XIRP2: variants seen among roughly 807,000 people sequenced by gnomAD.
XIRP2 encodes the protein xin actin binding repeat containing 2.
XIRP2 carries 236 observed loss-of-function variants against 277.0 expected under a neutral mutation model. The observed-to-expected ratio is 0.85, with a 90% CI of 0.77 to 0.95. The LOEUF (loss-of-function observed/expected upper bound fraction) is 0.95, where lower values mean the gene tolerates loss of function less well. Ranked by LOEUF, XIRP2 falls within the 40% of genes least tolerant of loss-of-function variation. The pLI is 0.00. For synonymous variants in XIRP2, 1,490 were observed against 1,416.5 expected (o/e 1.05, Z -1.17); for missense variants, 4,640 against 4,157.5 (o/e 1.12, Z -3.19).
At chr2:167,087,732 G>A (rs1690004784) in intron 2 of XIRP2, among the ~76,000 whole-genome samples, 2 of 151,692 alleles carry the variant, frequency 1.3e-5, no homozygotes, top group Admixed American at 1.3e-4. Flanking sequence ...CCCTTTCTTT[G>A]ACTCGGAAAG....
intron 2 of XIRP2, among the ~76,000 whole-genome samples, chr2:167,104,790 G>T (rs1362534918): frequency 6.6e-6 from 1 of 152,004 alleles, no homozygotes; most frequent in African/African-American, 2.4e-5. Flanking sequence ...CATAACTATA[G>T]TCATGATGGG....
chr2:167,189,268 T>TCA (rs1164456253), intron 3 of XIRP2, among the ~76,000 whole-genome samples: 4 of 151,950 alleles, frequency 2.6e-5, no homozygotes, highest in Non-Finnish European at 5.9e-5. Flanking sequence ...GCTCTCTCTC[T>TCA]CACACACACA....
intron 2 of XIRP2, among the ~76,000 whole-genome samples, chr2:166,906,408 C>T (rs1163930695): frequency 6.6e-6 from 1 of 151,756 alleles, no homozygotes; most frequent in Non-Finnish European, 1.5e-5. Flanking sequence ...TACATACATG[C>T]ATATATAACT....
chr2:167,197,106 C>G (rs1335716663), intron 3 of XIRP2, among the ~76,000 whole-genome samples: 1 of 152,158 alleles, frequency 6.6e-6, no homozygotes, highest in African/African-American at 2.4e-5. Flanking sequence ...CTAATTTTCA[C>G]CTGCTCATGT....
In XIRP2 at chr2:167,259,041, A is replaced by G; in HGVS notation, c.*1224A>G. On this transcript the variant is annotated 3_prime_UTR_variant, in exon 11 of 11. Transcript: ENST00000409195. ...AAAGGAAGCCATTCAAAGAGCAAAA[A>G]TTTACACTTTTTCTTTTCTAACACC... The G allele has an allele frequency of 6.2e-7, 1 of 1,610,358 alleles. No homozygotes were observed. The highest frequency in any genetic ancestry group is 8.5e-7 in the Non-Finnish European group (1 of 1,177,612).
At chr2:166,954,025 A>G (rs1558928799) in intron 2 of XIRP2, among the ~76,000 whole-genome samples, 2 of 151,938 alleles carry the variant, frequency 1.3e-5, no homozygotes, top group Non-Finnish European at 2.9e-5. Context: ...TTTGATTATA[A>G]AAGTAATAAA....
Position 166,934,266 on chromosome 2 carries a change from A to T in XIRP2, c.408+30376A>T, listed in dbSNP as rs554225304. ...TGCTTTGAAGAAGCAAGCTACCATA[A>T]TTATATGCCACACTGGAGAAGCCCA... On this transcript the variant is annotated intron_variant, in intron 2 of 10. Coordinates refer to ENST00000409195, the MANE Select transcript of XIRP2 (RefSeq NM_152381.6). 2.6e-5 allele frequency among the ~76,000 whole-genome samples: 4 copies of T among 152,096 alleles called. No homozygotes were observed. In the South Asian group the frequency reaches 8.3e-4, roughly 32 times the overall value.
chr2:167,223,763 C>T (rs1430704610), intron 5 of XIRP2, among the ~76,000 whole-genome samples: 1 of 152,090 alleles, frequency 6.6e-6, no homozygotes, highest in Non-Finnish European at 1.5e-5. Flanking sequence ...AAGGTTGTGA[C>T]CAAGAATGTA....
At chr2:167,010,482 A>G (rs1325627868) in intron 2 of XIRP2, among the ~76,000 whole-genome samples, 2 of 151,934 alleles carry the variant, frequency 1.3e-5, no homozygotes, top group South Asian at 2.1e-4. Context: ...GCCTTGTAGT[A>G]TGGTTTGAAG....
At position 167,250,104 on chromosome 2, in the gene XIRP2, A is replaced by G. The variant is rs771942916; in HGVS notation, c.8712A>G (p.Ile2904Met). The change falls in exon 9 of 11, where the codon ATA (isoleucine) becomes ATG (methionine). Residue 2904 changes from isoleucine to methionine, a missense_variant. Ile to Met is a conservative substitution (Grantham distance 10). Transcript: ENST00000409195. ...AAAAATGTCTCGAAGTCAAGGGCAT[A>G]CAAGAGAAACAAGTCTTCTCTAATA... ...QEEKCLEVKGIQEKQVFSNTK... is the reference protein window; with the variant it reads ...QEEKCLEVKGMQEKQVFSNTK... 5.6e-6 allele frequency: 9 copies of G among 1,613,406 alleles called. No homozygotes were observed. The highest frequency in any genetic ancestry group is 5.5e-5 in the South Asian group (5 of 91,028).
At chr2:167,222,664 C>A (rs1694467524) in intron 5 of XIRP2, among the ~76,000 whole-genome samples, 1 of 152,108 alleles carries the variant, frequency 6.6e-6, no homozygotes. Flanking sequence ...TATCCACTCA[C>A]TGTAACAGTC....
At chr2:166,899,014 T>G (rs946543291) in intron 1 of XIRP2, among the ~76,000 whole-genome samples, 1 of 152,156 alleles carries the variant, frequency 6.6e-6, no homozygotes, top group African/African-American at 2.4e-5. Flanking sequence ...ATGTAATATT[T>G]GAAATTATGG....
At position 167,258,909 on chromosome 2, in the gene XIRP2, C is replaced by T; in HGVS notation, c.*1092C>T. On this transcript the variant is annotated 3_prime_UTR_variant, in exon 11 of 11. Coordinates refer to ENST00000409195, the MANE Select transcript of XIRP2 (RefSeq NM_152381.6). ...CTGAAGAAACAGACTGACAGAGCAG[C>T]TGCTGGCAGTCCTGTGCAGCCTGCT... 6.2e-7 allele frequency: 1 copy of T among 1,613,126 alleles called. No homozygotes were observed. The highest frequency in any genetic ancestry group is 8.5e-7 in the Non-Finnish European group (1 of 1,179,606).
At chr2:167,181,886 C>T (rs1401545508) in intron 3 of XIRP2, among the ~76,000 whole-genome samples, 1 of 152,136 alleles carries the variant, frequency 6.6e-6, no homozygotes, top group Non-Finnish European at 1.5e-5. Flanking sequence ...GGTGTTTATG[C>T]ATCCCTGTTT....
At chr2:166,931,889 C>T (rs1353972767) in intron 2 of XIRP2, among the ~76,000 whole-genome samples, 1 of 152,102 alleles carries the variant, frequency 6.6e-6, no homozygotes, top group African/African-American at 2.4e-5. Context: ...TTTCCATCAT[C>T]AGTGGGTGAA....
chr2:166,977,489 G>A (rs971456714), intron 2 of XIRP2, among the ~76,000 whole-genome samples: 14 of 151,926 alleles, frequency 9.2e-5, no homozygotes, highest in Non-Finnish European at 2.1e-4. Context: ...CATATCAATT[G>A]TACTGTTAAC....
chr2:167,214,476 C>CAAAAAAAAAAAAAAAAAA (rs569699283), intron 4 of XIRP2, among the ~76,000 whole-genome samples: 1 of 84,650 alleles, frequency 1.2e-5, no homozygotes. Flanking sequence ...GACTCCATCT[C>CAAAAAAAAAAAAAAAAAA]AAAAAAAAAA....
intron 2 of XIRP2, among the ~76,000 whole-genome samples, chr2:167,059,666 G>T (rs1689131185): frequency 6.6e-6 from 1 of 152,086 alleles, no homozygotes. Context: ...GCAATAAGCA[G>T]CAGTGGCATT....
At chr2:167,043,778 C>T (rs963743221) in intron 2 of XIRP2, among the ~76,000 whole-genome samples, 1 of 151,920 alleles carries the variant, frequency 6.6e-6, no homozygotes, top group African/African-American at 2.4e-5. Flanking sequence ...AGAACTGGTA[C>T]CAAGTTTACT....
Sources: allele counts gnomAD v4.1 joint callset (sites outside exome capture counted in the v4.1 genomes callset), GRCh38; gene constraint gnomAD v4.1.1; transcripts MANE v1.5; gene names NCBI Gene and HGNC (gene_info 2026-07-23, HGNC 2026-07-21).